NRG2: variants seen among roughly 807,000 people sequenced by gnomAD.
NRG2 encodes pro-neuregulin-2, membrane-bound isoform.
In NRG2, 27 loss-of-function variants were observed where a neutral mutation model predicts 73.9. The ratio of observed to expected loss-of-function variants is 0.37; its 90% CI spans 0.27 to 0.50. NRG2 has a LOEUF of 0.50. NRG2 is among the 20% of genes least tolerant of loss of function. The pLI is 0.96. For missense variants in NRG2, 1,126 were observed against 1,210.1 expected (o/e 0.93, Z 1.03); for synonymous variants, 532 against 541.0 (o/e 0.98, Z 0.23).
intron 1 of NRG2, among the ~76,000 whole-genome samples, chr5:140,003,378 C>T (rs1758643365): frequency 6.6e-6 from 1 of 152,130 alleles, no homozygotes; most frequent in South Asian, 2.1e-4. Flanking sequence ...ATTAAGGATA[C>T]TGGATTATGT....
At chr5:139,901,709 A>G (rs997060414) in intron 1 of NRG2, among the ~76,000 whole-genome samples, 2 of 152,228 alleles carry the variant, frequency 1.3e-5, no homozygotes, top group African/African-American at 4.8e-5. Context: ...GGTGAAGACC[A>G]AAGTCTGCTC....
intron 1 of NRG2, among the ~76,000 whole-genome samples, chr5:139,961,692 A>G (rs575348866): frequency 1.3e-5 from 2 of 152,278 alleles, no homozygotes; most frequent in Admixed American, 1.3e-4. Flanking sequence ...TCACCAGCTC[A>G]GTCTCTAGAT....
chr5:140,004,077 A>T (rs1758702731), intron 1 of NRG2, among the ~76,000 whole-genome samples: 1 of 152,208 alleles, frequency 6.6e-6, no homozygotes, highest in African/African-American at 2.4e-5. Flanking sequence ...TTGGGTGAGG[A>T]GTGTACAGGA....
chr5:139,878,467 C>A (rs906937632), intron 3 of NRG2, among the ~76,000 whole-genome samples: 1 of 152,024 alleles, frequency 6.6e-6, no homozygotes, highest in Non-Finnish European at 1.5e-5. Context: ...CACCCCACTC[C>A]CCAAACATGA....
intron 1 of NRG2, among the ~76,000 whole-genome samples, chr5:140,025,872 C>T (rs1439792847): frequency 1.3e-5 from 2 of 152,186 alleles, no homozygotes; most frequent in Non-Finnish European, 1.5e-5. Flanking sequence ...TCTGGAGGAC[C>T]GCACACACAC....
intron 1 of NRG2, among the ~76,000 whole-genome samples, chr5:140,041,009 ATCACTAAAC>A (rs1228938325): frequency 6.6e-6 from 1 of 152,214 alleles, no homozygotes; most frequent in Non-Finnish European, 1.5e-5. Flanking sequence ...ATATACTCCC[ATCACTAAAC>A]TCCTAAAATT....
In NRG2 at chr5:139,848,340, G is replaced by C; in HGVS notation, c.2130C>G (p.Asp710Glu). 8.2e-7 allele frequency: 1 copy of C among 1,215,616 alleles called. No homozygotes were observed. Among genetic ancestry groups the C allele is most frequent in the Non-Finnish European group, 1.0e-6 (1 of 980,064 alleles). The allele number at this position is 1,215,616 out of a possible 1,614,324, so 75.3% of individuals were successfully genotyped here. ...LPASPFRIPEDDEYETTQECA... is the reference protein window; with the variant it reads ...LPASPFRIPEEDEYETTQECA... ...ACTCCTGCGTGGTCTCGTACTCGTC[G>C]TCCTCGGGGATGCGGAAGGGGCTGG... The change falls in exon 10 of 10, where the codon GAC (aspartate) becomes GAG (glutamate). Residue 710 changes from aspartate (D) to glutamate (E), a missense_variant. Physicochemically the swap from Asp to Glu is conservative, Grantham distance 45. Coordinates refer to ENST00000361474, the MANE Select transcript of NRG2 (RefSeq NM_004883.3).
intron 5 of NRG2, among the ~76,000 whole-genome samples, chr5:139,864,495 TGAGA>T (rs5871710): frequency 0.015 from 2,301 of 151,656 alleles, 21 homozygotes; most frequent in Admixed American, 0.023. Flanking sequence ...ACAGAGGTGC[TGAGA>T]GAGTCACCAG....
intron 5 of NRG2, among the ~76,000 whole-genome samples, chr5:139,859,250 G>A (rs1056178960): frequency 1.3e-5 from 2 of 152,130 alleles, no homozygotes; most frequent in African/African-American, 4.8e-5. Context: ...GGTACTAGAG[G>A]CCAGCCCCAC....
chr5:140,035,309 C>T (rs1761429568), intron 1 of NRG2, among the ~76,000 whole-genome samples: 1 of 152,134 alleles, frequency 6.6e-6, no homozygotes, highest in Non-Finnish European at 1.5e-5. Flanking sequence ...ATCTTCTAAC[C>T]AGATATTATC....
At chr5:139,968,225 CTGAGAAGGGG>C in intron 1 of NRG2, among the ~76,000 whole-genome samples, 1 of 152,142 alleles carries the variant, frequency 6.6e-6, no homozygotes. Flanking sequence ...GCCCGCCCGG[CTGAGAAGGGG>C]TGAGAAGGGA....
intron 1 of NRG2, among the ~76,000 whole-genome samples, chr5:139,974,704 C>T (rs1170691106): frequency 2.6e-5 from 4 of 152,182 alleles, no homozygotes; most frequent in Admixed American, 6.5e-5. Context: ...CTCTTCTCCC[C>T]GTAGATCAGA....
intron 1 of NRG2, among the ~76,000 whole-genome samples, chr5:140,016,802 C>T (rs1291929788): frequency 2.0e-5 from 3 of 152,192 alleles, no homozygotes; most frequent in Non-Finnish European, 4.4e-5. Flanking sequence ...AGAGAGGGGA[C>T]AACACGTACA....
At chr5:139,914,913 C>T (rs192598905) in intron 1 of NRG2, among the ~76,000 whole-genome samples, 1 of 152,152 alleles carries the variant, frequency 6.6e-6, no homozygotes, top group Non-Finnish European at 1.5e-5. Context: ...ATTGTAGGCC[C>T]CCCAGCTGGT....
At chr5:139,873,424 C>A (rs558554791) in intron 3 of NRG2, among the ~76,000 whole-genome samples, 8 of 152,342 alleles carry the variant, frequency 5.3e-5, no homozygotes, top group African/African-American at 1.7e-4. Context: ...TTGTAAAATC[C>A]CCTTGCTGGG....
chr5:139,980,851 C>A (rs977298612), intron 1 of NRG2, among the ~76,000 whole-genome samples: 1 of 152,224 alleles, frequency 6.6e-6, no homozygotes, highest in African/African-American at 2.4e-5. Flanking sequence ...TGGGGAATCT[C>A]CCTCCTACTT....
intron 1 of NRG2, among the ~76,000 whole-genome samples, chr5:139,947,231 T>C (rs1753861017): frequency 6.6e-6 from 1 of 152,178 alleles, no homozygotes; most frequent in South Asian, 2.1e-4. Context: ...CCCATACTCT[T>C]TGGCCTCCTA....
intron 1 of NRG2, among the ~76,000 whole-genome samples, chr5:140,026,751 G>A (rs1760722360): frequency 6.6e-6 from 1 of 152,160 alleles, no homozygotes; most frequent in Non-Finnish European, 1.5e-5. Context: ...CTATACAGAG[G>A]ATAAGAGTGA....
At chr5:139,881,063 C>CTGTGGCTCTGTGG in intron 2 of NRG2, 89 bp from the exon 3 acceptor site, 1 of 1,019,334 alleles carries the variant, frequency 9.8e-7, no homozygotes, top group Non-Finnish European at 1.5e-6. Flanking sequence ...CCTCTCTCCA[C>CTGTGGCTCTGTGG]AGAGCCACAG....
Sources: gnomAD v4.1 joint callset for allele counts (sites outside exome capture counted in the v4.1 genomes callset) on GRCh38, gnomAD v4.1.1 for gene constraint, MANE v1.5 for transcripts, NCBI Gene and HGNC (gene_info 2026-07-23, HGNC 2026-07-21) for gene names.